ACE: variants seen among roughly 807,000 people sequenced by gnomAD.
The protein encoded by ACE is angiotensin I converting enzyme.
In ACE, 122 loss-of-function variants were observed where a neutral mutation model predicts 162.3. The ratio of observed to expected loss-of-function variants is 0.75; its 90% CI spans 0.65 to 0.87. ACE has a LOEUF of 0.87. ACE is among the 40% of genes least tolerant of loss of function. The probability of loss-of-function intolerance (pLI) is 0.00; values close to 1 mark genes in which losing one functional copy is unlikely to be tolerated. For missense variants in ACE, 1,799 were observed against 1,735.1 expected (o/e 1.04, Z -0.65); for synonymous variants, 796 against 720.6 (o/e 1.10, Z -1.68).
chr17:63,484,470 A>G lies in ACE; in HGVS notation c.1850A>G (p.Asn617Ser), dbSNP rs372497513. 6.2e-6 allele frequency: 10 copies of G among 1,611,400 alleles called. No homozygotes were observed. The highest frequency in any genetic ancestry group is 6.8e-6 in the Non-Finnish European group (8 of 1,179,774). ...TGGCTGCAGGAGCAGAACCAGCAGA[A>G]CGGCGAGGTCCTGGGCTGGCCCGAG... ...TQWLQEQNQQ[N>S]GEVLGWPEYQ... is the part of the protein sequence containing the mutation. Residue 617 changes from asparagine (N) to serine (S), a missense_variant, in exon 12 of 25, where the codon AAC becomes AGC. Coordinates refer to ENST00000290866, the MANE Select transcript of ACE (RefSeq NM_000789.4). The surrounding 1 kb of genome is among the most constrained non-coding windows in gnomAD (Gnocchi z 4.0).
In ACE at chr17:63,477,950, G is replaced by C. The variant is rs1221928144; in HGVS notation, c.269G>C (p.Ser90Thr). The C allele has an allele frequency of 6.2e-7, 1 of 1,611,796 alleles. No homozygotes were observed. Among genetic ancestry groups the C allele is most frequent in the Non-Finnish European group, 8.5e-7 (1 of 1,179,288 alleles). ...CAATAGGAGGAAGCAGCCCTGCTCA[G>C]CCAGGAGTTTGCGGAGGCCTGGGGC... ...ARRQEEAALL[S>T]QEFAEAWGQK... The change falls in exon 2 of 25, where the codon AGC becomes ACC. Residue 90 changes from serine (S) to threonine (T), a missense_variant. Physicochemically the swap from Ser to Thr is moderately conservative, Grantham distance 58. Transcript: ENST00000290866.
In ACE at chr17:63,478,020, G is replaced by A; in HGVS notation, c.339G>A (p.Thr113=). The change falls in exon 2 of 25, where the codon ACG becomes ACA. Residue 113 remains threonine, a synonymous_variant. Coordinates refer to ENST00000290866, the MANE Select transcript of ACE (RefSeq NM_000789.4). The stretch of plus-strand genomic sequence containing the variant: ...ATGAACCGATCTGGCAGAACTTCAC[G>A]GACCCGCAGCTGCGCAGGATCATCG... ...ELYEPIWQNF[T]DPQLRRIIGA... is the part of the protein sequence containing the mutation. 1.2e-6 allele frequency: 2 copies of A among 1,610,224 alleles called. No individual in the cohort carries two copies. The highest frequency in any genetic ancestry group is 2.2e-5 in the South Asian group (2 of 90,322).
Position 63,496,530 on chromosome 17 carries a change from A to G in ACE, c.3503+14A>G, listed in dbSNP as rs775842566. On this transcript the variant is annotated intron_variant, in intron 23 of 24. Coordinates refer to ENST00000290866, the MANE Select transcript of ACE (RefSeq NM_000789.4). The stretch of plus-strand genomic sequence containing the variant: ...GCAGCGCCTGGCGTGAGTGTCCTCC[A>G]GCCCTCCTTTGTTTCCATGCTCTGG... 1.2e-6 allele frequency: 2 copies of G among 1,613,956 alleles called. No homozygotes were observed. The highest frequency in any genetic ancestry group is 4.5e-5 in the East Asian group (2 of 44,882).
Position 63,481,643 on chromosome 17 carries a change from G to A in ACE, c.1023G>A (p.Glu341=). ...TSLELSPMPP[E]FWEGSMLEKP... The stretch of plus-strand genomic sequence containing the variant: ...TGGAGCTCTCCCCCATGCCTCCCGA[G>A]TTCTGGGAAGGGTCGATGCTGGAGA... The change falls in exon 7 of 25, where the codon GAG becomes GAA. Residue 341 remains glutamate, a synonymous_variant. Transcript: ENST00000290866. 1.2e-6 allele frequency: 2 copies of A among 1,614,136 alleles called. No individual in the cohort carries two copies. Among genetic ancestry groups the A allele is most frequent in the Non-Finnish European group, 1.7e-6 (2 of 1,180,038 alleles).
In ACE at chr17:63,497,977, T is replaced by C. The variant is rs1330725740; in HGVS notation, c.*611T>C. The C allele has an allele frequency of 1.5e-5, 3 of 198,434 alleles. No homozygotes were observed. Among genetic ancestry groups the C allele is most frequent in the African/African-American group, 7.1e-5 (3 of 42,216 alleles). The allele number at this position is 198,434 out of a possible 1,614,324, so 12.3% of individuals were successfully genotyped here. A position where few individuals can be genotyped will look rare whatever the true frequency, so the allele number is the denominator to read the frequency against. ...CCCCCCAGGGGAAGGCTTCCGGCTG[T>C]TATCGGCTGCCTCAGGGGGCGAGTA... On this transcript the variant is annotated 3_prime_UTR_variant, in exon 25 of 25. Transcript: ENST00000290866.
At chr17:63,486,885 TGGCTCCCC>T in intron 14 of ACE, 93 bp from the exon 15 acceptor site, 2 of 1,465,382 alleles carry the variant, frequency 1.4e-6, no homozygotes, top group Non-Finnish European at 1.9e-6. Flanking sequence ...CCCAGCTCCC[TGGCTCCCC>T]ACCTGCCAGC....
chr17:63,486,447 C>CA, intron 13 of ACE, 110 bp from the exon 14 acceptor site: 1 of 1,234,146 alleles, frequency 8.1e-7, no homozygotes, highest in Non-Finnish European at 1.2e-6. Context: ...AACTTAATTC[C>CA]ACTGCCCCCT....
intron 7 of ACE, among the ~76,000 whole-genome samples, chr17:63,482,150 A>G (rs1287501222): frequency 6.6e-6 from 1 of 151,844 alleles, no homozygotes; most frequent in Non-Finnish European, 1.5e-5. Flanking sequence ...TACAAAAATA[A>G]ATTAGCCAGG....
At chr17:63,497,065 C>T (rs780221844) in intron 24 of ACE, 72 bp from the exon 25 acceptor site, 6 of 1,586,882 alleles carry the variant, frequency 3.8e-6, no homozygotes, top group Non-Finnish European at 3.4e-6. Flanking sequence ...GACCTCGGAG[C>T]CTGGCCCTGC....
In ACE at chr17:63,480,520, A is replaced by C; in HGVS notation, c.839A>C (p.His280Pro). 1.2e-6 allele frequency: 2 copies of C among 1,613,744 alleles called. No homozygotes were observed. Among genetic ancestry groups the C allele is most frequent in the Non-Finnish European group, 1.7e-6 (2 of 1,180,008 alleles). Residue 280 changes from histidine to proline, a missense_variant, in exon 5 of 25, where the codon CAT becomes CCT. Transcript: ENST00000290866. ...AACCTCAGGGGACCCATCCCTGCTC[A>C]TCTGCTGGGTAAGGACCTGGCCTCG... ...YINLRGPIPA[H>P]LLGDMWAQSW...
rs755446607 is a variant in ACE at position 63,481,645 on chromosome 17, T to C, written c.1025T>C (p.Phe342Ser). The C allele has an allele frequency of 1.9e-6, 3 of 1,614,076 alleles. No homozygotes were observed. Among genetic ancestry groups the C allele is most frequent in the Non-Finnish European group, 2.5e-6 (3 of 1,180,018 alleles). ...SLELSPMPPE[F>S]WEGSMLEKPA... ...GAGCTCTCCCCCATGCCTCCCGAGT[T>C]CTGGGAAGGGTCGATGCTGGAGAAG... Residue 342 changes from phenylalanine (F) to serine (S), a missense_variant, in exon 7 of 25, where the codon TTC becomes TCC. Coordinates refer to ENST00000290866, the MANE Select transcript of ACE (RefSeq NM_000789.4).
chr17:63,487,928 C>T (rs999578019), intron 15 of ACE, among the ~76,000 whole-genome samples: 1 of 152,128 alleles, frequency 6.6e-6, no homozygotes, highest in Non-Finnish European at 1.5e-5. Context: ...GATGTGGGTA[C>T]CCATGCCAAG....
chr17:63,497,384 G>C lies in ACE; in HGVS notation c.*18G>C. 6.5e-7 allele frequency: 1 copy of C among 1,544,292 alleles called. No homozygotes were observed. The highest frequency in any genetic ancestry group is 8.7e-7 in the Non-Finnish European group (1 of 1,144,222). ...ACTCCTGAGGTGACCCGGCTGGGTCGGCCCTGCCCAAGGGCCTCCCACCAG... is the reference window on the plus strand; with the variant it reads ...ACTCCTGAGGTGACCCGGCTGGGTCCGCCCTGCCCAAGGGCCTCCCACCAG... On this transcript the variant is annotated 3_prime_UTR_variant, in exon 25 of 25. Transcript: ENST00000290866.
At chr17:63,479,515 G>T (rs1367340585) in intron 3 of ACE, among the ~76,000 whole-genome samples, 2 of 152,204 alleles carry the variant, frequency 1.3e-5, no homozygotes, top group African/African-American at 4.8e-5. Flanking sequence ...TGTCTGTCTG[G>T]GTTTTGGCCT....
In ACE at chr17:63,496,902, C is replaced by G; in HGVS notation, c.3608C>G (p.Pro1203Arg). ...TCGGCCATGTTGAGCTACTTCAAGC[C>G]GCTGCTGGACTGGCTCCGCACGGAG... Reference protein sequence around the residue: ...SASAMLSYFKPLLDWLRTENE... With the variant: ...SASAMLSYFKRLLDWLRTENE... The change falls in exon 24 of 25, where the codon CCG becomes CGG. Residue 1203 changes from proline (P) to arginine (R), a missense_variant. Pro to Arg is a moderately radical substitution (Grantham distance 103, BLOSUM62 -2). Coordinates refer to ENST00000290866, the MANE Select transcript of ACE (RefSeq NM_000789.4). 1 of 1,613,778 alleles carries G rather than the reference C, an allele frequency of 6.2e-7. No individual in the cohort carries two copies. Among genetic ancestry groups the G allele is most frequent in the Non-Finnish European group, 8.5e-7 (1 of 1,180,016 alleles).
At chr17:63,494,279 C>A (rs919145651) in intron 21 of ACE, 93 bp from the exon 22 acceptor site, 2 of 1,339,926 alleles carry the variant, frequency 1.5e-6, no homozygotes, top group African/African-American at 2.9e-5. Flanking sequence ...CCAGTATAGC[C>A]CCAAGTGCAG....
chr17:63,477,718 C>T lies in ACE; in HGVS notation c.250-213C>T, dbSNP rs749318099. 42 of 621,844 alleles carry T rather than the reference C, an allele frequency of 6.8e-5. 1 individual carries two copies. The highest frequency in any genetic ancestry group is 6.5e-4 in the South Asian group (33 of 50,822). The allele number at this position is 621,844 out of a possible 1,614,324, so 38.5% of individuals were successfully genotyped here. On this transcript the variant is annotated intron_variant, in intron 1 of 24. Transcript: ENST00000290866. Reference sequence around the variant, plus strand: ...CACTCGCCCGGCCTCTTTTCTGGTCCCAATTTCTGCTCCACCATTCCCATG... The same window carrying T: ...CACTCGCCCGGCCTCTTTTCTGGTCTCAATTTCTGCTCCACCATTCCCATG...
chr17:63,481,555 C>T lies in ACE; in HGVS notation c.946-11C>T. 6.2e-7 allele frequency: 1 copy of T among 1,613,542 alleles called. No homozygotes were observed. Among genetic ancestry groups the T allele is most frequent in the Non-Finnish European group, 8.5e-7 (1 of 1,179,994 alleles). ...GGCTCCCCCTGACCTGGCTCCACAC[C>T]CCTCCTCCAGGGCTGGAACGCCACG... is the stretch of plus-strand genomic sequence containing the variant. On this transcript the variant is annotated splice_polypyrimidine_tract_variant and intron_variant, in intron 6 of 24. Coordinates refer to ENST00000290866, the MANE Select transcript of ACE (RefSeq NM_000789.4).
chr17:63,481,768 G>C (rs199787525), intron 7 of ACE, 30 bp downstream of exon 7: 1 of 1,613,754 alleles, frequency 6.2e-7, no homozygotes. Flanking sequence ...ACGTTCTGGG[G>C]TTCCCCGGTT....
Sources: gnomAD v4.1 joint callset for allele counts (sites outside exome capture counted in the v4.1 genomes callset) on GRCh38, gnomAD v4.1.1 for gene constraint, Gnocchi (gnomAD v3.1) non-coding constraint, MANE v1.5 for transcripts, NCBI Gene and HGNC (gene_info 2026-07-23, HGNC 2026-07-21) for gene names.